TOM1L2: variants seen among roughly 807,000 people sequenced by gnomAD.
The protein encoded by TOM1L2 is TOM1-like protein 2.
Under a neutral mutation model 67.9 loss-of-function variants are expected in TOM1L2, and 31 were observed. The ratio of observed to expected loss-of-function variants is 0.46; its 90% confidence interval spans 0.34 to 0.62. The LOEUF is 0.62. TOM1L2 is among the 20% of genes least tolerant of loss of function. The pLI, the probability that TOM1L2 is intolerant of heterozygous loss-of-function variation, is 0.01. For synonymous variants in TOM1L2, 256 were observed against 254.0 expected (o/e 1.01, Z -0.07); for missense variants, 606 against 663.5 (o/e 0.91, Z 0.95).
intron 1 of TOM1L2, among the ~76,000 whole-genome samples, chr17:17,943,409 G>A (rs2040815416): frequency 6.6e-6 from 1 of 152,258 alleles, no homozygotes; most frequent in Non-Finnish European, 1.5e-5. Context: ...GGGTGCGACA[G>A]AGGGCTGAAT....
intron 1 of TOM1L2, among the ~76,000 whole-genome samples, chr17:17,925,962 G>C (rs889704414): frequency 6.6e-6 from 1 of 151,798 alleles, no homozygotes; most frequent in Admixed American, 6.6e-5. Context: ...CTTGAGCCCA[G>C]GAATTCAAAA....
At chr17:17,933,593 CCTAAGCATCATTT>C (rs1202265009) in intron 1 of TOM1L2, among the ~76,000 whole-genome samples, 2 of 152,158 alleles carry the variant, frequency 1.3e-5, no homozygotes, top group Admixed American at 1.3e-4. Context: ...TCTGATGCCC[CCTAAGCATCATTT>C]TGAGGGCCAC....
chr17:17,880,414 T>C lies in TOM1L2; in HGVS notation c.661-671A>G, dbSNP rs985621169. Among the ~76,000 whole-genome samples, 5 of 152,072 alleles carry C rather than the reference T, an allele frequency of 3.3e-5. No homozygotes were observed. In the East Asian group the frequency reaches 9.6e-4, roughly 29 times the overall value. On this transcript the variant is annotated intron_variant, in intron 6 of 14. Coordinates refer to ENST00000379504, the MANE Select transcript of TOM1L2 (RefSeq NM_001082968.2). Reference sequence around the variant, plus strand: ...CTGGACCTGGGCCAAGGCCCAAGGCTCCTCTCCAGCAACAGAGACATCATA... The same window carrying C: ...CTGGACCTGGGCCAAGGCCCAAGGCCCCTCTCCAGCAACAGAGACATCATA...
At chr17:17,906,979 A>G (rs906564513) in intron 2 of TOM1L2, among the ~76,000 whole-genome samples, 2 of 152,368 alleles carry the variant, frequency 1.3e-5, no homozygotes, top group Middle Eastern at 3.4e-3. Context: ...AACGTGTTCT[A>G]AGTCCACTCA....
intron 3 of TOM1L2, among the ~76,000 whole-genome samples, chr17:17,896,954 T>C (rs2038604093): frequency 1.3e-5 from 2 of 152,066 alleles, no homozygotes; most frequent in Non-Finnish European, 2.9e-5. Flanking sequence ...GGGGCCTCAG[T>C]GTAGGGACGG....
intron 1 of TOM1L2, among the ~76,000 whole-genome samples, chr17:17,959,387 G>A (rs2041596894): frequency 6.6e-6 from 1 of 152,220 alleles, no homozygotes; most frequent in African/African-American, 2.4e-5. Flanking sequence ...CACATTTGCT[G>A]TCAGAAATGT....
intron 1 of TOM1L2, among the ~76,000 whole-genome samples, chr17:17,967,001 C>A (rs1020600216): frequency 1.3e-5 from 2 of 152,170 alleles, no homozygotes; most frequent in African/African-American, 2.4e-5. Flanking sequence ...AGATGGCCTA[C>A]TGTGGGACCT....
intron 1 of TOM1L2, among the ~76,000 whole-genome samples, chr17:17,966,767 A>G (rs1453869582): frequency 1.3e-5 from 2 of 152,220 alleles, no homozygotes; most frequent in Non-Finnish European, 2.9e-5. Context: ...CAAATAGTTA[A>G]ATGTTGTGAG....
At chr17:17,921,293 G>T (rs1176877929) in intron 1 of TOM1L2, among the ~76,000 whole-genome samples, 4 of 152,184 alleles carry the variant, frequency 2.6e-5, no homozygotes, top group Non-Finnish European at 4.4e-5. Context: ...CCAAACAACA[G>T]AGAAAACAGA....
chr17:17,857,929 C>G (rs2036335329), intron 12 of TOM1L2: 2 of 1,350,740 alleles, frequency 1.5e-6, no homozygotes. Context: ...AGAAAAGTCA[C>G]TCTTCAGACG....
At chr17:17,887,962 G>C (rs2038082400) in intron 4 of TOM1L2, among the ~76,000 whole-genome samples, 1 of 152,238 alleles carries the variant, frequency 6.6e-6, no homozygotes, top group African/African-American at 2.4e-5. Flanking sequence ...CAGTGACAAA[G>C]GAGGGGTGCT....
At chr17:17,916,477 C>A (rs1434767584) in intron 1 of TOM1L2, among the ~76,000 whole-genome samples, 3 of 152,190 alleles carry the variant, frequency 2.0e-5, no homozygotes, top group Non-Finnish European at 4.4e-5. Context: ...CGACTTCACT[C>A]TTTTGCATGT....
intron 1 of TOM1L2, among the ~76,000 whole-genome samples, chr17:17,923,203 G>A (rs1171639314): frequency 2.6e-5 from 4 of 152,182 alleles, no homozygotes. Flanking sequence ...TTCAAGACCA[G>A]CCTGGCCAAC....
At chr17:17,958,637 T>G (rs2041564250) in intron 1 of TOM1L2, among the ~76,000 whole-genome samples, 2 of 152,180 alleles carry the variant, frequency 1.3e-5, no homozygotes, top group South Asian at 4.1e-4. Context: ...GTCATAAAAC[T>G]GAGTCACTGT....
intron 3 of TOM1L2, among the ~76,000 whole-genome samples, chr17:17,897,136 T>G (rs2038617413): frequency 6.6e-6 from 1 of 152,188 alleles, no homozygotes; most frequent in African/African-American, 2.4e-5. Context: ...AAGTTGGGTG[T>G]GTAAATGGAG....
At chr17:17,849,324 A>G (rs980979981) in intron 13 of TOM1L2, among the ~76,000 whole-genome samples, 1 of 152,112 alleles carries the variant, frequency 6.6e-6, no homozygotes, top group African/African-American at 2.4e-5. Context: ...CGCTGTTGAC[A>G]CCAATAGCTG....
chr17:17,953,796 A>G (rs570093858), intron 1 of TOM1L2, among the ~76,000 whole-genome samples: 1 of 152,344 alleles, frequency 6.6e-6, no homozygotes, highest in Non-Finnish European at 1.5e-5. Flanking sequence ...GCCATCTCAC[A>G]AAGTCAAGAG....
At chr17:17,907,760 C>T (rs1242166454) in intron 1 of TOM1L2, among the ~76,000 whole-genome samples, 1 of 152,148 alleles carries the variant, frequency 6.6e-6, no homozygotes, top group Non-Finnish European at 1.5e-5. Context: ...GACTGAAAAG[C>T]TTATGACAGG....
rs187440414 is a variant in TOM1L2, at chr17:17,878,644, G to A, written c.777+983C>T. Among the ~76,000 whole-genome samples the A allele has an allele frequency of 4.6e-5, 7 of 152,292 alleles. No individual in the cohort carries two copies. The East Asian group carries it at 1.4e-3, about 29-fold the overall frequency. ...TTGGGGACCAAGACTGACAACGGAG[G>A]GCCAGACACAAATGGCAGTATCAGC... On this transcript the variant is annotated intron_variant, in intron 7 of 14. Transcript: ENST00000379504.
Sources: allele counts gnomAD v4.1 joint callset (sites outside exome capture counted in the v4.1 genomes callset), GRCh38; gene constraint gnomAD v4.1.1; transcripts MANE v1.5; gene names NCBI Gene and HGNC (gene_info 2026-07-23, HGNC 2026-07-21).